Variants in CDH13 observed in about 807,000 individuals in gnomAD.
The protein encoded by CDH13 is cadherin 13.
CDH13 carries 24 observed loss-of-function variants against 63.8 expected under a neutral mutation model. The ratio of observed to expected loss-of-function variants is 0.38; its 90% CI spans 0.27 to 0.53. CDH13 has a LOEUF of 0.53. Among genes scored for constraint, CDH13 ranks in the 20% least tolerant of loss-of-function variants. CDH13 has a pLI of 0.85. For synonymous variants in CDH13, 503 were observed against 355.3 expected (o/e 1.42, Z -4.67); for missense variants, 1,049 against 903.1 (o/e 1.16, Z -2.07).
intron 7 of CDH13, among the ~76,000 whole-genome samples, chr16:83,562,065 G>T (rs1215897094): frequency 1.3e-5 from 2 of 152,156 alleles, no homozygotes; most frequent in Non-Finnish European, 2.9e-5. Context: ...AGAGCTCATG[G>T]TGATGTCCAA....
Position 82,785,587 on chromosome 16 carries a change from C to T in CDH13, c.46-72775C>T, listed in dbSNP as rs192234894. Reference sequence around the variant, plus strand: ...TGCACTTGATTTTAATAACATATACCATCTGGCTCAAGATTTGTCTGTCTA... The same window carrying T: ...TGCACTTGATTTTAATAACATATACTATCTGGCTCAAGATTTGTCTGTCTA... On this transcript the variant is annotated intron_variant, in intron 1 of 13. Coordinates refer to ENST00000567109, the MANE Select transcript of CDH13 (RefSeq NM_001257.5). Among the ~76,000 whole-genome samples the T allele has an allele frequency of 1.8e-4, 28 of 152,216 alleles. No homozygotes were observed. In the East Asian group the frequency reaches 3.5e-3, roughly 19 times the overall value.
chr16:82,853,167 TAAC>T lies in CDH13; in HGVS notation c.46-5193_46-5191del, dbSNP rs1597803837. Among the ~76,000 whole-genome samples, 7 of 152,236 alleles carry T rather than the reference TAAC, an allele frequency of 4.6e-5. No homozygotes were observed. In the East Asian group the frequency reaches 1.2e-3, roughly 25 times the overall value. On this transcript the variant is annotated intron_variant, in intron 1 of 13. Coordinates refer to ENST00000567109, the MANE Select transcript of CDH13 (RefSeq NM_001257.5). ...AAGGATGCTTGGTGTCCTACAGAGGTAACACAACTCAATCATATCAGGCACTGA... is the reference window on the plus strand; with the variant it reads ...AAGGATGCTTGGTGTCCTACAGAGGTACAACTCAATCATATCAGGCACTGA...
intron 1 of CDH13, among the ~76,000 whole-genome samples, chr16:82,818,734 A>G (rs1279688712): frequency 6.6e-6 from 1 of 152,200 alleles, no homozygotes; most frequent in Non-Finnish European, 1.5e-5. Flanking sequence ...GGCCACAGGC[A>G]TCTCTCGGCA....
intron 5 of CDH13, among the ~76,000 whole-genome samples, chr16:83,251,545 T>G (rs967974157): frequency 1.3e-5 from 2 of 152,194 alleles, no homozygotes; most frequent in Admixed American, 6.5e-5. Context: ...CTGTCCTCAT[T>G]CTGATGGGTC....
At chr16:82,998,061 GCAGAGTTGGTGAC>G (rs1567729455) in intron 2 of CDH13, among the ~76,000 whole-genome samples, 2 of 152,160 alleles carry the variant, frequency 1.3e-5, no homozygotes, top group Non-Finnish European at 1.5e-5. Flanking sequence ...TCAATTCATG[GCAGAGTTGGTGAC>G]CAGCTCAAAT....
intron 1 of CDH13, among the ~76,000 whole-genome samples, chr16:82,683,388 C>G (rs970213790): frequency 2.0e-5 from 3 of 152,172 alleles, no homozygotes; most frequent in African/African-American, 7.2e-5. Context: ...TGAGCTCACT[C>G]TTGGTGCTGC....
At chr16:83,284,569 T>A (rs2089262005) in intron 5 of CDH13, among the ~76,000 whole-genome samples, 1 of 152,140 alleles carries the variant, frequency 6.6e-6, no homozygotes, top group African/African-American at 2.4e-5. Context: ...GGGAGGAAAC[T>A]AACATTTCCT....
At chr16:82,812,564 C>T (rs943229177) in intron 1 of CDH13, among the ~76,000 whole-genome samples, 26 of 152,026 alleles carry the variant, frequency 1.7e-4, no homozygotes, top group African/African-American at 4.3e-4. Context: ...AACTCAAAGT[C>T]GCAAGAGAAC....
chr16:83,692,936 A>G (rs1044797335), intron 10 of CDH13, among the ~76,000 whole-genome samples: 1 of 152,178 alleles, frequency 6.6e-6, no homozygotes, highest in African/African-American at 2.4e-5. Context: ...TACAAAAATT[A>G]GCCAGGCATG....
intron 7 of CDH13, among the ~76,000 whole-genome samples, chr16:83,593,450 T>A (rs1218547238): frequency 6.6e-6 from 1 of 152,100 alleles, no homozygotes; most frequent in East Asian, 1.9e-4. Context: ...TCTGGGTAGC[T>A]TGAAATCAGC....
chr16:83,115,188 GT>G (rs1377427168), intron 3 of CDH13, among the ~76,000 whole-genome samples: 1 of 152,204 alleles, frequency 6.6e-6, no homozygotes, highest in Non-Finnish European at 1.5e-5. Flanking sequence ...AGAGCAGATG[GT>G]TCTGGAGTTA....
intron 5 of CDH13, among the ~76,000 whole-genome samples, chr16:83,284,906 C>T (rs1454129731): frequency 6.6e-6 from 1 of 152,116 alleles, no homozygotes; most frequent in African/African-American, 2.4e-5. Flanking sequence ...AGTGAACAAA[C>T]TGGATAGGTT....
intron 6 of CDH13, among the ~76,000 whole-genome samples, chr16:83,349,580 G>GTATTATTATTAT (rs1567609416): frequency 6.5e-5 from 5 of 76,598 alleles, no homozygotes; most frequent in Non-Finnish European, 1.3e-4. Context: ...AACTTGAGGT[G>GTATTATTATTAT]CATTATTATT....
At chr16:83,480,932 C>T (rs970317919) in intron 6 of CDH13, among the ~76,000 whole-genome samples, 5 of 152,202 alleles carry the variant, frequency 3.3e-5, no homozygotes, top group Non-Finnish European at 4.4e-5. Context: ...TGTCTTCTGA[C>T]ACAGGGGCAA....
intron 1 of CDH13, among the ~76,000 whole-genome samples, chr16:82,843,391 A>G (rs1251709831): frequency 3.3e-5 from 5 of 152,206 alleles, no homozygotes; most frequent in African/African-American, 1.2e-4. Context: ...ACATTTGGGG[A>G]AACATCTTAA....
chr16:83,510,635 C>T (rs902858866), intron 7 of CDH13, among the ~76,000 whole-genome samples: 1 of 152,132 alleles, frequency 6.6e-6, no homozygotes, highest in Non-Finnish European at 1.5e-5. Flanking sequence ...ACCCAGGGAT[C>T]AAGACTCAAA....
chr16:83,316,957 G>A (rs1056171936), intron 5 of CDH13, among the ~76,000 whole-genome samples: 3 of 152,156 alleles, frequency 2.0e-5, no homozygotes, highest in Non-Finnish European at 4.4e-5. Context: ...TTGAACAAGC[G>A]GCTACCCATC....
chr16:83,059,061 C>G (rs922955331), intron 3 of CDH13, among the ~76,000 whole-genome samples: 2 of 152,136 alleles, frequency 1.3e-5, no homozygotes, highest in Non-Finnish European at 2.9e-5. Flanking sequence ...GGAACTTGAT[C>G]TGAGAGGTGG....
intron 5 of CDH13, among the ~76,000 whole-genome samples, chr16:83,261,298 C>G (rs779977775): frequency 2.6e-5 from 4 of 152,130 alleles, no homozygotes; most frequent in Admixed American, 6.5e-5. Context: ...AGCTCATTAC[C>G]GATACGTTAA....
Sources: gnomAD v4.1 joint callset for allele counts (sites outside exome capture counted in the v4.1 genomes callset) on GRCh38, gnomAD v4.1.1 for gene constraint, MANE v1.5 for transcripts, NCBI Gene and HGNC (gene_info 2026-07-23, HGNC 2026-07-21) for gene names.